The following SAXO1 variants were observed in gnomAD, a reference collection of about 807,000 sequenced individuals.
The protein encoded by SAXO1 is 4930500O09Rik.
Under a neutral mutation model 17.5 loss-of-function variants are expected in SAXO1, and 21 were observed. The observed-to-expected ratio is 1.20, with a 90% CI of 0.85 to 1.72. The LOEUF is 1.72. SAXO1 is among the 40% of genes most tolerant of loss of function. SAXO1 has a pLI of 0.00. For synonymous variants in SAXO1, 274 were observed against 216.5 expected, an observed-to-expected ratio of 1.27 and a Z score of -2.33; for missense variants, 843 against 596.0, an observed-to-expected ratio of 1.41 and a Z score of -4.32.
chr9:19,038,750 G>C (rs1836007380), intron 1 of SAXO1, among the ~76,000 whole-genome samples: 1 of 150,914 alleles, frequency 6.6e-6, no homozygotes, highest in South Asian at 2.1e-4. Flanking sequence ...AAAACTTAAA[G>C]TATAATAATA....
chr9:18,941,621 CT>C lies in SAXO1; in HGVS notation c.421+15del. ...AGCCTGTCTTTCCCCCAATCTGCCC[CT>C]CTGTGCTCTCCCACCTTTATAAGTA... On this transcript the variant is annotated intron_variant, in intron 3 of 3. Coordinates refer to ENST00000380534, the MANE Select transcript of SAXO1 (RefSeq NM_153707.4). 1.9e-6 allele frequency: 3 copies of C among 1,614,040 alleles called. No individual in the cohort carries two copies. The highest frequency in any genetic ancestry group is 2.5e-6 in the Non-Finnish European group (3 of 1,179,972).
chr9:18,978,057 C>G (rs369576967), intron 1 of SAXO1, among the ~76,000 whole-genome samples: 1 of 144,486 alleles, frequency 6.9e-6, no homozygotes, highest in South Asian at 2.2e-4. Flanking sequence ...TCGGGTGGAA[C>G]TAGATCTTAT....
chr9:19,042,744 C>G (rs551866477), intron 1 of SAXO1, among the ~76,000 whole-genome samples: 2 of 152,294 alleles, frequency 1.3e-5, no homozygotes, highest in East Asian at 3.9e-4. Context: ...TGCCTGTAAT[C>G]CCCGCTACTC....
At chr9:19,028,638 G>T (rs954864245) in intron 1 of SAXO1, among the ~76,000 whole-genome samples, 4 of 152,168 alleles carry the variant, frequency 2.6e-5, no homozygotes, top group African/African-American at 9.7e-5. Flanking sequence ...GTTGAAAAGA[G>T]AATATTATGA....
chr9:19,026,194 A>G (rs1374280089), intron 1 of SAXO1, among the ~76,000 whole-genome samples: 1 of 152,228 alleles, frequency 6.6e-6, no homozygotes, highest in Non-Finnish European at 1.5e-5. Flanking sequence ...TTATATGAAT[A>G]TATCAAAATG....
At chr9:19,029,916 G>A (rs912267168) in intron 1 of SAXO1, among the ~76,000 whole-genome samples, 1 of 152,160 alleles carries the variant, frequency 6.6e-6, no homozygotes, top group Non-Finnish European at 1.5e-5. Context: ...CATTCAAAAA[G>A]ATATGTGTTA....
chr9:18,947,683 T>A (rs1351037975), intron 2 of SAXO1: 1 of 152,148 alleles, frequency 6.6e-6, no homozygotes, highest in Non-Finnish European at 1.5e-5. Context: ...AACCTCTTAT[T>A]CATAAATTGA....
upstream of SAXO1, among the ~76,000 whole-genome samples, chr9:19,035,588 A>AG (rs1390038470): frequency 6.6e-6 from 1 of 152,226 alleles, no homozygotes; most frequent in Non-Finnish European, 1.5e-5. Flanking sequence ...AACAGTTTGG[A>AG]GGGCTCCGAA....
intron 1 of SAXO1, among the ~76,000 whole-genome samples, chr9:18,994,606 C>T (rs1833934055): frequency 6.6e-6 from 1 of 152,158 alleles, no homozygotes; most frequent in Non-Finnish European, 1.5e-5. Context: ...TTTGAAGGTG[C>T]TGCAATCCTA....
intron 2 of SAXO1, among the ~76,000 whole-genome samples, chr9:18,945,600 G>A (rs1399826879): frequency 6.6e-6 from 1 of 152,116 alleles, no homozygotes; most frequent in Non-Finnish European, 1.5e-5. Flanking sequence ...TGGTCCTTAT[G>A]GGACACAGAG....
chr9:18,987,516 G>A (rs1287123494), intron 1 of SAXO1, among the ~76,000 whole-genome samples: 1 of 152,200 alleles, frequency 6.6e-6, no homozygotes, highest in African/African-American at 2.4e-5. Context: ...GATTTCCTCA[G>A]GTAGTCCACC....
At chr9:19,015,643 CTTT>C (rs34096432) in intron 1 of SAXO1, among the ~76,000 whole-genome samples, 234 of 142,254 alleles carry the variant, frequency 1.6e-3, no homozygotes, top group Non-Finnish European at 1.6e-3. Flanking sequence ...ACGCCTGGCC[CTTT>C]TTTTTTTTTT....
chr9:19,011,080 T>C (rs1254871206), intron 1 of SAXO1, among the ~76,000 whole-genome samples: 1 of 152,244 alleles, frequency 6.6e-6, no homozygotes, highest in Non-Finnish European at 1.5e-5. Flanking sequence ...TTGTTTTATG[T>C]AGATGTTTCA....
At chr9:19,021,682 G>A (rs1008386045) in intron 1 of SAXO1, among the ~76,000 whole-genome samples, 1 of 152,222 alleles carries the variant, frequency 6.6e-6, no homozygotes, top group Admixed American at 6.5e-5. Context: ...AGTGAGAGGT[G>A]AAGCCAGCTG....
rs139012986 is a variant in SAXO1, at chr9:18,971,516, C to T, written c.39-20579G>A. Among the ~76,000 whole-genome samples the T allele has an allele frequency of 3.1e-3, 468 of 152,244 alleles. 3 individuals carry two copies. The highest frequency in any genetic ancestry group is 0.011 in the African/African-American group (460 of 41,562). On this transcript the variant is annotated intron_variant, in intron 1 of 3. Coordinates refer to ENST00000380534, the MANE Select transcript of SAXO1 (RefSeq NM_153707.4). The stretch of plus-strand genomic sequence containing the variant: ...AGAAAAAAATGCCCTCATTTCACTA[C>T]ATTTATTCCTCTGAGTACCAAAAAT...
chr9:18,934,908 T>A (rs745598148), intron 3 of SAXO1, among the ~76,000 whole-genome samples: 1 of 152,168 alleles, frequency 6.6e-6, no homozygotes, highest in Non-Finnish European at 1.5e-5. Flanking sequence ...TTTTTCTTTT[T>A]AATTTGTTTT....
At position 18,976,497 on chromosome 9, in the gene SAXO1, G is replaced by A. The variant is rs547606373; in HGVS notation, c.39-25560C>T. ...AAAAACACATTTTAAGTGAAGTCCT[G>A]GGGTGCACACAGCATTCTGCTTTAA... On this transcript the variant is annotated intron_variant, in intron 1 of 3. Coordinates refer to ENST00000380534, the MANE Select transcript of SAXO1 (RefSeq NM_153707.4). Among the ~76,000 whole-genome samples the A allele has an allele frequency of 2.0e-5, 3 of 152,320 alleles. No homozygotes were observed. In the East Asian group the frequency reaches 5.8e-4, roughly 29 times the overall value.
chr9:18,978,543 T>C (rs931475773), intron 1 of SAXO1, among the ~76,000 whole-genome samples: 6 of 152,332 alleles, frequency 3.9e-5, no homozygotes, highest in Admixed American at 2.6e-4. Flanking sequence ...ATAAGAGCCA[T>C]TGTGCAAGGT....
intron 1 of SAXO1, among the ~76,000 whole-genome samples, chr9:18,997,727 T>C (rs895309888): frequency 6.6e-6 from 1 of 152,162 alleles, no homozygotes; most frequent in African/African-American, 2.4e-5. Context: ...TGACAGATAC[T>C]TCATACAGGT....
Sources: gnomAD v4.1 joint callset for allele counts (sites outside exome capture counted in the v4.1 genomes callset) on GRCh38, gnomAD v4.1.1 for gene constraint, MANE v1.5 for transcripts, NCBI Gene and HGNC (gene_info 2026-07-23, HGNC 2026-07-21) for gene names.